DAB1: variants seen among roughly 807,000 people sequenced by gnomAD.
DAB1 encodes DAB adaptor protein 1.
In DAB1, 15 loss-of-function variants were observed where a neutral mutation model predicts 64.6. The ratio of observed to expected loss-of-function variants is 0.23; its 90% CI spans 0.16 to 0.36. The LOEUF (loss-of-function observed/expected upper bound fraction) is 0.36, where lower values mean the gene tolerates loss of function less well. DAB1 is among the 10% of genes least tolerant of loss of function. DAB1 has a pLI of 1.00. For synonymous variants in DAB1, 235 were observed against 251.9 expected (o/e 0.93, Z 0.64); for missense variants, 596 against 706.7 (o/e 0.84, Z 1.78).
intron 5 of DAB1, among the ~76,000 whole-genome samples, chr1:57,993,084 A>C (rs1256970649): frequency 6.6e-6 from 1 of 152,156 alleles, no homozygotes; most frequent in Non-Finnish European, 1.5e-5. Context: ...GAAACTTAAA[A>C]GCCCAAGCTT....
At chr1:58,062,091 A>G (rs1648536702) in intron 5 of DAB1, among the ~76,000 whole-genome samples, 1 of 152,240 alleles carries the variant, frequency 6.6e-6, no homozygotes, top group African/African-American at 2.4e-5. Context: ...TTGGAATAAG[A>G]AGCCATTTAA....
In DAB1 at chr1:57,725,184, T is replaced by C. The variant is rs1421177866; in HGVS notation, n.552-75519A>G. ...GAAAGCGATAACAATAATAACACTA[T>C]GAACCATGACATACCTATTTTCCTA... On this transcript the variant is annotated intron_variant and non_coding_transcript_variant, in intron 6 of 20. Transcript: ENST00000485760. Among the ~76,000 whole-genome samples, 6 of 152,322 alleles carry C rather than the reference T, an allele frequency of 3.9e-5. No individual in the cohort carries two copies. The East Asian group carries it at 5.8e-4, about 15-fold the overall frequency.
In DAB1 at chr1:57,552,134, G is replaced by A. The variant is rs147081174; in HGVS notation, n.625+97458C>T. Among the ~76,000 whole-genome samples the A allele has an allele frequency of 6.0e-4, 92 of 152,288 alleles. 1 individual carries two copies. The highest frequency in any genetic ancestry group is 1.0e-3 in the Non-Finnish European group (69 of 68,024). ...TACAATGGACATTGCTACAGCCAGGGAGAGTCTGGTGGGATCTTTCTCACA... is the reference window on the plus strand; with the variant it reads ...TACAATGGACATTGCTACAGCCAGGAAGAGTCTGGTGGGATCTTTCTCACA... On this transcript the variant is annotated intron_variant and non_coding_transcript_variant, in intron 7 of 20. Transcript: ENST00000485760.
At chr1:57,530,119 G>T (rs970723127) in intron 7 of DAB1, among the ~76,000 whole-genome samples, 6 of 152,086 alleles carry the variant, frequency 3.9e-5, no homozygotes, top group African/African-American at 1.4e-4. Context: ...AATAATAGGA[G>T]GACACGTGCA....
intron 7 of DAB1, among the ~76,000 whole-genome samples, chr1:57,478,891 C>T (rs1446436620): frequency 2.0e-5 from 3 of 151,952 alleles, no homozygotes; most frequent in Admixed American, 1.3e-4. Flanking sequence ...TGAGCCACTG[C>T]GCCCGGCCCG....
At chr1:57,702,531 A>G (rs922758495) in intron 6 of DAB1, among the ~76,000 whole-genome samples, 10 of 152,084 alleles carry the variant, frequency 6.6e-5, no homozygotes, top group African/African-American at 2.4e-4. Flanking sequence ...ATCTACCTCT[A>G]TGTTGGCATA....
At chr1:57,895,288 A>G (rs972455988) in intron 5 of DAB1, among the ~76,000 whole-genome samples, 37 of 152,166 alleles carry the variant, frequency 2.4e-4, no homozygotes, top group Non-Finnish European at 4.0e-4. Context: ...GGGGGTAAAC[A>G]CTATGATTTC....
chr1:57,676,250 C>T (rs1425484134), intron 6 of DAB1, among the ~76,000 whole-genome samples: 1 of 152,186 alleles, frequency 6.6e-6, no homozygotes, highest in Non-Finnish European at 1.5e-5. Flanking sequence ...CTGCAGCAAG[C>T]AGACACCAGG....
intron 9 of DAB1, among the ~76,000 whole-genome samples, chr1:57,049,697 C>T (rs1003809105): frequency 6.6e-6 from 1 of 152,124 alleles, no homozygotes. Flanking sequence ...GCAGCCCTCA[C>T]ATGCCTCCCC....
chr1:57,432,328 T>C (rs72909251), intron 7 of DAB1, among the ~76,000 whole-genome samples: 243 of 152,040 alleles, frequency 1.6e-3, no homozygotes, highest in African/African-American at 5.5e-3. Flanking sequence ...GTCCTCTACC[T>C]GGTAATTTTT....
chr1:57,766,677 G>T (rs1649326509), intron 6 of DAB1, among the ~76,000 whole-genome samples: 1 of 149,378 alleles, frequency 6.7e-6, no homozygotes, highest in Non-Finnish European at 1.5e-5. Flanking sequence ...CATCTAGCGG[G>T]TGTCCTACAA....
chr1:58,493,657 C>T (rs1202529757), intron 3 of DAB1, among the ~76,000 whole-genome samples: 1 of 151,538 alleles, frequency 6.6e-6, no homozygotes, highest in Non-Finnish European at 1.5e-5. Context: ...TGAGTGAACT[C>T]CCATTCACAA....
At chr1:57,426,538 G>T (rs534999522), upstream of DAB1, among the ~76,000 whole-genome samples, 15 of 151,990 alleles carry the variant, frequency 9.9e-5, no homozygotes, top group East Asian at 2.1e-3. Context: ...TGTATTAAGT[G>T]TGGCATAAGA....
intron 7 of DAB1, among the ~76,000 whole-genome samples, chr1:57,599,697 T>A (rs1482917085): frequency 6.6e-6 from 1 of 152,102 alleles, no homozygotes; most frequent in Non-Finnish European, 1.5e-5. Context: ...TTCAAGGGTT[T>A]TAAGCAAAGT....
At chr1:58,181,109 C>T (rs1656766191) in intron 4 of DAB1, among the ~76,000 whole-genome samples, 1 of 151,210 alleles carries the variant, frequency 6.6e-6, no homozygotes. Flanking sequence ...CCTATTTCTC[C>T]CTTCAGTTCT....
intron 5 of DAB1, among the ~76,000 whole-genome samples, chr1:58,097,295 C>T (rs1373744965): frequency 6.6e-6 from 1 of 152,218 alleles, no homozygotes; most frequent in Non-Finnish European, 1.5e-5. Flanking sequence ...GCAGAATTCA[C>T]ACCCCGGCCA....
At chr1:58,499,509 A>ATAG (rs776144705) in intron 3 of DAB1, among the ~76,000 whole-genome samples, 4,944 of 42,860 alleles carry the variant, frequency 0.12, 87 homozygotes, top group Non-Finnish European at 0.13. Flanking sequence ...TAGATAGATA[A>ATAG]ATAGATAGAT....
intron 2 of DAB1, among the ~76,000 whole-genome samples, chr1:57,268,016 T>C (rs1407173451): frequency 6.6e-6 from 1 of 152,246 alleles, no homozygotes; most frequent in East Asian, 1.9e-4. Flanking sequence ...ATTTAATATT[T>C]GATTCCTAAT....
At chr1:58,084,777 T>TTA (rs1009777503) in intron 5 of DAB1, among the ~76,000 whole-genome samples, 8 of 149,024 alleles carry the variant, frequency 5.4e-5, no homozygotes, top group East Asian at 1.9e-4. Flanking sequence ...ATATTACATA[T>TTA]TATATATATA....
Sources: gnomAD v4.1 joint callset for allele counts (sites outside exome capture counted in the v4.1 genomes callset) on GRCh38, gnomAD v4.1.1 for gene constraint, MANE v1.5 for transcripts, NCBI Gene and HGNC (gene_info 2026-07-23, HGNC 2026-07-21) for gene names.